Variants in AFDN observed in about 807,000 individuals in gnomAD.
AFDN encodes afadin, adherens junction formation factor.
Under a neutral mutation model 216.6 loss-of-function variants are expected in AFDN, and 68 were observed. The observed-to-expected ratio is 0.31, with a 90% CI of 0.26 to 0.38. The LOEUF is 0.38. AFDN is among the 10% of genes least tolerant of loss of function. The pLI, the probability that AFDN is intolerant of heterozygous loss-of-function variation, is 1.00. For synonymous variants in AFDN, 868 were observed against 853.7 expected, an observed-to-expected ratio of 1.02 and a Z score of -0.29; for missense variants, 2,136 against 2,342.0, an observed-to-expected ratio of 0.91 and a Z score of 1.82.
At chr6:167,901,775 C>T (rs777026706) in intron 11 of AFDN, among the ~76,000 whole-genome samples, 22 of 151,658 alleles carry the variant, frequency 1.5e-4, no homozygotes, top group East Asian at 1.9e-4. Flanking sequence ...TTTTATGTTC[C>T]GTTTCTTGTA....
intron 1 of AFDN, among the ~76,000 whole-genome samples, chr6:167,839,765 C>T (rs1246344733): frequency 1.3e-5 from 2 of 152,160 alleles, no homozygotes; most frequent in African/African-American, 2.4e-5. Flanking sequence ...TCTCAAAAAG[C>T]TCCCATTTCA....
chr6:167,948,501 C>T (rs1372992581), intron 29 of AFDN, 23 bp downstream of exon 29: 1 of 1,602,580 alleles, frequency 6.2e-7, no homozygotes, highest in Admixed American at 1.7e-5. Context: ...AGATTCCACA[C>T]ACTTTTCTCA....
At chr6:167,911,215 T>TC in intron 14 of AFDN, 53 bp downstream of exon 14, 2 of 1,602,330 alleles carry the variant, frequency 1.2e-6, no homozygotes, top group East Asian at 2.2e-5. Flanking sequence ...TCCATTTTAC[T>TC]CCATCTGATT....
intron 23 of AFDN, among the ~76,000 whole-genome samples, chr6:167,937,045 A>G (rs974379962): frequency 6.6e-6 from 1 of 152,176 alleles, no homozygotes; most frequent in African/African-American, 2.4e-5. Context: ...GTAGGATCCA[A>G]ATAACCAGAG....
At chr6:167,950,400 G>C (rs1174019401) in intron 29 of AFDN, among the ~76,000 whole-genome samples, 1 of 139,766 alleles carries the variant, frequency 7.2e-6, no homozygotes, top group African/African-American at 2.8e-5. Context: ...CTCTGTGTCT[G>C]TGTGTGTGTG....
At chr6:167,954,880 G>A (rs965118203) in intron 30 of AFDN, among the ~76,000 whole-genome samples, 28 of 152,178 alleles carry the variant, frequency 1.8e-4, no homozygotes, top group Admixed American at 6.5e-5. Context: ...TCAGCTGAAA[G>A]GGTATTGACA....
intron 30 of AFDN, among the ~76,000 whole-genome samples, chr6:167,955,559 C>T (rs1233186685): frequency 6.6e-6 from 1 of 152,152 alleles, no homozygotes. Flanking sequence ...GCATCCATGA[C>T]ACGGTGGGCA....
chr6:167,849,868 T>C (rs1455098636), intron 1 of AFDN, among the ~76,000 whole-genome samples: 4 of 152,214 alleles, frequency 2.6e-5, no homozygotes, highest in Admixed American at 2.6e-4. Context: ...TCACTTTTCC[T>C]GTCGAGGTTC....
chr6:167,965,265 G>GGCCC lies in AFDN; in HGVS notation c.4969-491_4969-490insCCCG, dbSNP rs1405006211. Among the ~76,000 whole-genome samples, 3 of 152,030 alleles carry GGCCC rather than the reference G, an allele frequency of 2.0e-5. No homozygotes were observed. The East Asian group carries it at 5.8e-4, about 29-fold the overall frequency. Reference sequence around the variant, plus strand: ...GGAAGGACTGCTCTTCTGCATTCATGGGGGCTCAGTGAAAAAGAGTGCAAG... The same window carrying GGCCC: ...GGAAGGACTGCTCTTCTGCATTCATGGCCCGGGGCTCAGTGAAAAAGAGTGCAAG... On this transcript the variant is annotated intron_variant, in intron 31 of 33. Transcript: ENST00000683244.
chr6:167,852,214 C>G (rs1782397920), intron 1 of AFDN, among the ~76,000 whole-genome samples: 1 of 152,134 alleles, frequency 6.6e-6, no homozygotes, highest in Admixed American at 6.5e-5. Flanking sequence ...CTATATCTCT[C>G]AAGAATGTGG....
Position 167,946,344 on chromosome 6 carries a change from ATGACGC to A in AFDN, c.3359-360_3359-355del, listed in dbSNP as rs1368453556. Among the ~76,000 whole-genome samples, 3 of 152,248 alleles carry A rather than the reference ATGACGC, an allele frequency of 2.0e-5. No homozygotes were observed. The East Asian group carries it at 5.8e-4, about 29-fold the overall frequency. On this transcript the variant is annotated intron_variant, in intron 26 of 33. Transcript: ENST00000683244. ...CGTCACATGACGGCTGCTCAGAACGATGACGCTGGGCGATTAAAAGTTCAGATATTT... is the reference window on the plus strand; with the variant it reads ...CGTCACATGACGGCTGCTCAGAACGATGGGCGATTAAAAGTTCAGATATTT...
chr6:167,967,577 A>G (rs759643108), intron 32 of AFDN, among the ~76,000 whole-genome samples: 1 of 152,144 alleles, frequency 6.6e-6, no homozygotes, highest in African/African-American at 2.4e-5. Context: ...ATATTTTTTT[A>G]TGTGTCATGA....
intron 29 of AFDN, among the ~76,000 whole-genome samples, chr6:167,950,861 T>G (rs980606496): frequency 2.6e-5 from 4 of 151,228 alleles, no homozygotes; most frequent in Non-Finnish European, 5.9e-5. Context: ...TTGCTTTTTT[T>G]TTTTTTTTTT....
Position 167,917,208 on chromosome 6 carries a change from A to C in AFDN, c.2685A>C (p.Ala895=), listed in dbSNP as rs771942632. Residue 895 remains alanine (A), a synonymous_variant, in exon 20 of 34, where the codon GCA becomes GCC. Coordinates refer to ENST00000683244, the MANE Select transcript of AFDN (RefSeq NM_001386888.1). The part of the protein sequence containing the change: ...LQALLQNYHC[A]PDEPFIPTDL... Reference sequence around the variant, plus strand: ...CCTTATTACAGAACTATCACTGTGCACCTGATGAGCCTTTTATCCCAACGG... The same window carrying C: ...CCTTATTACAGAACTATCACTGTGCCCCTGATGAGCCTTTTATCCCAACGG... The C allele has an allele frequency of 6.2e-6, 10 of 1,606,250 alleles. No homozygotes were observed. The highest frequency in any genetic ancestry group is 1.7e-4 in the Middle Eastern group (1 of 6,046).
chr6:167,855,015 A>C (rs1328456105), intron 1 of AFDN, among the ~76,000 whole-genome samples: 1 of 151,942 alleles, frequency 6.6e-6, no homozygotes, highest in Non-Finnish European at 1.5e-5. Context: ...TTTTGTTAAT[A>C]TTACAAGAGA....
intron 1 of AFDN, among the ~76,000 whole-genome samples, chr6:167,844,178 G>GT (rs1491377392): frequency 9.6e-4 from 3 of 3,114 alleles, no homozygotes; most frequent in African/African-American, 3.0e-3. Flanking sequence ...CAAAAATGAA[G>GT]TGTGTGTGTG....
chr6:167,858,792 T>A (rs1406129844), intron 1 of AFDN, among the ~76,000 whole-genome samples: 1 of 152,214 alleles, frequency 6.6e-6, no homozygotes, highest in Non-Finnish European at 1.5e-5. Context: ...AGAATAATAG[T>A]GCCCTGTGTG....
chr6:167,951,745 T>C lies in AFDN; in HGVS notation c.4391T>C (p.Leu1464Pro), dbSNP rs1427175510. 1.9e-6 allele frequency: 3 copies of C among 1,614,036 alleles called. No individual in the cohort carries two copies. The African/African-American group carries it at 4.0e-5, about 22-fold the overall frequency. Residue 1464 changes from leucine to proline, a missense_variant, in exon 30 of 34, where the codon CTG (leucine) becomes CCG (proline). Physicochemically the swap from Leu to Pro is moderately conservative, Grantham distance 98 (BLOSUM62 -3). Coordinates refer to ENST00000683244, the MANE Select transcript of AFDN (RefSeq NM_001386888.1). This position sits in a 1 kb window ranked among gnomAD's most constrained non-coding sequence, Gnocchi z 7.1. The part of the protein sequence containing the change: ...QSLNPAPFSP[L>P]TAQQMKPEKP... ...TTAAACCCTGCTCCGTTTTCTCCCC[T>C]GACTGCACAGCAGATGAAGCCCGAA...
At chr6:167,921,568 G>C (rs1018151571) in intron 21 of AFDN, among the ~76,000 whole-genome samples, 1 of 151,934 alleles carries the variant, frequency 6.6e-6, no homozygotes, top group African/African-American at 2.4e-5. Flanking sequence ...AAGACTGTAC[G>C]ACCAGCCTGG....
Sources: allele counts gnomAD v4.1 joint callset (sites outside exome capture counted in the v4.1 genomes callset), GRCh38; gene constraint gnomAD v4.1.1; non-coding constraint Gnocchi (gnomAD v3.1); transcripts MANE v1.5; gene names NCBI Gene and HGNC (gene_info 2026-07-23, HGNC 2026-07-21).